Variants in TLE4 observed in about 807,000 individuals in gnomAD.
TLE4 encodes the protein transducin-like enhancer protein 4.
A neutral mutation model predicts 92.8 loss-of-function variants in TLE4; 8 were observed. The observed-to-expected ratio is 0.09, with a 90% CI of 0.05 to 0.16. TLE4 has a LOEUF of 0.16. Among genes scored for constraint, TLE4 ranks in the 10% least tolerant of loss-of-function variants. TLE4 has a pLI of 1.00. For synonymous variants in TLE4, 371 were observed against 374.1 expected (o/e 0.99, Z 0.10); for missense variants, 675 against 997.6 (o/e 0.68, Z 4.36).
At chr9:79,706,005 A>G (rs994335939) in intron 10 of TLE4, 63 bp downstream of exon 10, 2 of 1,399,228 alleles carry the variant, frequency 1.4e-6, no homozygotes, top group African/African-American at 1.4e-5. Context: ...TAGTTGCCCA[A>G]ACAATTAGTA....
chr9:79,643,095 G>A (rs2057475512), intron 6 of TLE4, among the ~76,000 whole-genome samples: 1 of 152,092 alleles, frequency 6.6e-6, no homozygotes, highest in Non-Finnish European at 1.5e-5. Context: ...TTAAAGTAAG[G>A]TAAGAAGGGC....
chr9:79,632,967 A>G (rs1011465290), intron 6 of TLE4, among the ~76,000 whole-genome samples: 10 of 152,198 alleles, frequency 6.6e-5, no homozygotes, highest in African/African-American at 2.4e-4. Flanking sequence ...TTCATCAAAC[A>G]CATGGCAGGA....
intron 8 of TLE4, among the ~76,000 whole-genome samples, chr9:79,664,189 CCGGCAGT>C (rs1256580477): frequency 6.6e-6 from 1 of 152,188 alleles, no homozygotes; most frequent in African/African-American, 2.4e-5. Flanking sequence ...GAGATTTATC[CCGGCAGT>C]GCATTCAGCA....
At chr9:79,582,836 C>G (rs148177052) in intron 4 of TLE4, among the ~76,000 whole-genome samples, 49 of 152,212 alleles carry the variant, frequency 3.2e-4, no homozygotes, top group African/African-American at 1.2e-3. Flanking sequence ...TGGTCCTATA[C>G]TAGCTAAGTT....
chr9:79,626,929 A>G (rs1420564361), intron 5 of TLE4, among the ~76,000 whole-genome samples: 2 of 152,226 alleles, frequency 1.3e-5, no homozygotes, highest in East Asian at 1.9e-4. Flanking sequence ...TGTCTTCGCT[A>G]ACCGTTATCG....
chr9:79,665,796 T>C (rs2061296077), intron 8 of TLE4, among the ~76,000 whole-genome samples: 1 of 152,242 alleles, frequency 6.6e-6, no homozygotes, highest in Non-Finnish European at 1.5e-5. Context: ...TTTTCAAAAT[T>C]AGTAAATAAT....
chr9:79,670,981 A>C (rs1460380134), intron 8 of TLE4, among the ~76,000 whole-genome samples: 4 of 152,152 alleles, frequency 2.6e-5, no homozygotes, highest in South Asian at 2.1e-4. Flanking sequence ...TCCACAAACA[A>C]ACACAAAACT....
intron 5 of TLE4, among the ~76,000 whole-genome samples, chr9:79,625,389 C>CTAT (rs2052344312): frequency 6.6e-6 from 1 of 152,088 alleles, no homozygotes; most frequent in Non-Finnish European, 1.5e-5. Context: ...TGTTTTTGAT[C>CTAT]GCTTTTAAAT....
chr9:79,633,665 C>G (rs886363949), intron 6 of TLE4, among the ~76,000 whole-genome samples: 4 of 152,124 alleles, frequency 2.6e-5, no homozygotes, highest in Non-Finnish European at 5.9e-5. Context: ...CTTGCAGTTC[C>G]AGAGTGTTAC....
chr9:79,707,092 GTTTAT>G (rs780090629), intron 11 of TLE4, 193 bp downstream of exon 11: 4 of 1,608,734 alleles, frequency 2.5e-6, no homozygotes, highest in Non-Finnish European at 2.6e-6. Flanking sequence ...GGTGATGAGT[GTTTAT>G]TTTATGATTC....
intron 5 of TLE4, among the ~76,000 whole-genome samples, chr9:79,613,535 A>G (rs1167079389): frequency 1.3e-5 from 2 of 152,104 alleles, no homozygotes; most frequent in Non-Finnish European, 2.9e-5. Context: ...GAATGCCTTC[A>G]TTTGCTCAGG....
intron 6 of TLE4, among the ~76,000 whole-genome samples, chr9:79,629,056 G>A (rs1362198754): frequency 6.6e-6 from 1 of 152,156 alleles, no homozygotes; most frequent in Non-Finnish European, 1.5e-5. Context: ...TTACCATGGA[G>A]AGAATGTGCA....
chr9:79,697,276 G>C (rs2068521249), intron 8 of TLE4, among the ~76,000 whole-genome samples: 1 of 152,180 alleles, frequency 6.6e-6, no homozygotes, highest in African/African-American at 2.4e-5. Flanking sequence ...ACAATACAAA[G>C]TTGTATGCAG....
chr9:79,669,968 T>C lies in TLE4; in HGVS notation c.609+15893T>C, dbSNP rs181512013. Among the ~76,000 whole-genome samples, 689 of 152,238 alleles carry C rather than the reference T, an allele frequency of 4.5e-3. 1 individual carries two copies. Among genetic ancestry groups the C allele is most frequent in the Admixed American group, 0.01 (159 of 15,292 alleles). On this transcript the variant is annotated intron_variant, in intron 8 of 19. Coordinates refer to ENST00000376552, the MANE Select transcript of TLE4 (RefSeq NM_007005.6). ...GAAGATATTTTGCTTGTTTCAGTAC[T>C]AGATGGTCAAATGGTAAAGGCCTAG...
intron 14 of TLE4, among the ~76,000 whole-genome samples, chr9:79,717,646 C>T (rs1000964557): frequency 2.6e-5 from 4 of 152,152 alleles, no homozygotes; most frequent in Non-Finnish European, 5.9e-5. Context: ...CATTAAGGAA[C>T]GATAAACTGT....
intron 4 of TLE4, among the ~76,000 whole-genome samples, chr9:79,607,362 A>G (rs180924307): frequency 1.8e-3 from 280 of 152,104 alleles, no homozygotes; most frequent in Non-Finnish European, 3.4e-3. Flanking sequence ...GCCGTGTAGA[A>G]GCTCTTTAGT....
rs551534938 is a variant in TLE4 at position 79,680,059 on chromosome 9, C to T, written c.610-24724C>T. Among the ~76,000 whole-genome samples, 25 of 151,660 alleles carry T rather than the reference C, an allele frequency of 1.6e-4. No homozygotes were observed. In the South Asian group the frequency reaches 1.7e-3, roughly 10 times the overall value. On this transcript the variant is annotated intron_variant, in intron 8 of 19. Transcript: ENST00000376552. ...TTGAAGTCAGGTAGCGTGATGCCTC[C>T]GGCTTTGTTCTTTTGGCTTAGGATT...
intron 8 of TLE4, among the ~76,000 whole-genome samples, chr9:79,673,229 G>C (rs973412358): frequency 2.6e-5 from 4 of 152,128 alleles, no homozygotes; most frequent in African/African-American, 9.7e-5. Flanking sequence ...TGTGTTTGGC[G>C]TAAGATCCTG....
intron 8 of TLE4, among the ~76,000 whole-genome samples, chr9:79,673,102 T>C (rs1315777283): frequency 5.3e-5 from 8 of 152,224 alleles, no homozygotes; most frequent in Admixed American, 6.5e-5. Context: ...CTATAAATTA[T>C]GTGCCTTTGG....
Sources: allele counts gnomAD v4.1 joint callset (sites outside exome capture counted in the v4.1 genomes callset), GRCh38; gene constraint gnomAD v4.1.1; transcripts MANE v1.5; gene names NCBI Gene and HGNC (gene_info 2026-07-23, HGNC 2026-07-21).